Variants in RAPGEF2 observed in about 807,000 individuals in gnomAD.
RAPGEF2 encodes the protein PDZ domain containing guanine nucleotide exchange factor (GEF) 1.
In RAPGEF2, 54 loss-of-function variants were observed where a neutral mutation model predicts 186.7. The ratio of observed to expected loss-of-function variants is 0.29; its 90% CI spans 0.23 to 0.36. The LOEUF (loss-of-function observed/expected upper bound fraction) is 0.36, where lower values mean the gene tolerates loss of function less well. Ranked by LOEUF, RAPGEF2 falls within the 10% of genes least tolerant of loss-of-function variation. The pLI, the probability that RAPGEF2 is intolerant of heterozygous loss-of-function variation, is 1.00. For synonymous variants in RAPGEF2, 712 were observed against 705.9 expected (o/e 1.01, Z -0.14); for missense variants, 1,532 against 2,045.0 (o/e 0.75, Z 4.84).
At chr4:159,181,392 C>T (rs1313608767) in intron 1 of RAPGEF2, among the ~76,000 whole-genome samples, 1 of 151,898 alleles carries the variant, frequency 6.6e-6, no homozygotes, top group Non-Finnish European at 1.5e-5. Flanking sequence ...CTTTTCTGGT[C>T]AGTGTGAATT....
At chr4:159,327,544 C>G (rs1766092561) in intron 11 of RAPGEF2, 1 of 152,074 alleles carries the variant, frequency 6.6e-6, no homozygotes, top group African/African-American at 2.4e-5. Context: ...ACAATCCCAG[C>G]TACTCGGGAG....
intron 4 of RAPGEF2, among the ~76,000 whole-genome samples, chr4:159,217,028 C>T (rs549549166): frequency 1.8e-4 from 28 of 151,700 alleles, no homozygotes; most frequent in Non-Finnish European, 3.5e-4. Flanking sequence ...GCCGGTGCTG[C>T]GTGATAAGTT....
At chr4:159,186,209 A>G (rs1350592556) in intron 1 of RAPGEF2, among the ~76,000 whole-genome samples, 2 of 152,006 alleles carry the variant, frequency 1.3e-5, no homozygotes, top group African/African-American at 4.8e-5. Context: ...AAGAATTGAA[A>G]AAAATTGAAT....
intron 1 of RAPGEF2, among the ~76,000 whole-genome samples, chr4:159,185,034 C>T (rs1023005785): frequency 6.6e-6 from 1 of 152,098 alleles, no homozygotes; most frequent in Non-Finnish European, 1.5e-5. Context: ...TGAATAGACA[C>T]TTATCCAAGA....
chr4:159,258,830 T>C (rs1467871355), intron 7 of RAPGEF2, among the ~76,000 whole-genome samples: 1 of 152,200 alleles, frequency 6.6e-6, no homozygotes, highest in African/African-American at 2.4e-5. Context: ...AGGAGTGGCA[T>C]TATAGATCTT....
chr4:159,308,869 A>AG (rs1327037229), intron 8 of RAPGEF2, among the ~76,000 whole-genome samples: 1 of 152,140 alleles, frequency 6.6e-6, no homozygotes, highest in African/African-American at 2.4e-5. Context: ...TCATTTGTTG[A>AG]GAGTGAGAGG....
chr4:159,348,599 C>T (rs769611188), intron 25 of RAPGEF2, among the ~76,000 whole-genome samples: 67 of 152,180 alleles, frequency 4.4e-4, no homozygotes, highest in Non-Finnish European at 8.8e-4. Context: ...TTTGAATATG[C>T]ATGCATTCCT....
intron 1 of RAPGEF2, among the ~76,000 whole-genome samples, chr4:159,119,731 A>G (rs1409456126): frequency 2.0e-5 from 3 of 152,176 alleles, no homozygotes; most frequent in African/African-American, 7.2e-5. Flanking sequence ...GTGGGTGAGC[A>G]TTACGTGTAA....
chr4:159,313,049 G>A (rs1378506156), intron 8 of RAPGEF2, among the ~76,000 whole-genome samples: 1 of 152,136 alleles, frequency 6.6e-6, no homozygotes, highest in Admixed American at 6.5e-5. Context: ...TCGGGAGGCT[G>A]AGGCATGAGA....
chr4:159,115,740 T>C (rs551067914), intron 1 of RAPGEF2, among the ~76,000 whole-genome samples: 1 of 152,138 alleles, frequency 6.6e-6, no homozygotes, highest in Non-Finnish European at 1.5e-5. Flanking sequence ...AACAGACACA[T>C]AGACCAATGG....
At chr4:159,118,643 T>C (rs1163157611) in intron 1 of RAPGEF2, among the ~76,000 whole-genome samples, 6 of 152,156 alleles carry the variant, frequency 3.9e-5, no homozygotes, top group South Asian at 2.1e-4. Context: ...TGGAGTGCAA[T>C]GGTGCGATCT....
chr4:159,196,913 ATTTAGAG>A (rs939371279), intron 3 of RAPGEF2, among the ~76,000 whole-genome samples: 1 of 152,236 alleles, frequency 6.6e-6, no homozygotes, highest in Non-Finnish European at 1.5e-5. Flanking sequence ...CATTTTTAAA[ATTTAGAG>A]TTGCCCATTT....
intron 7 of RAPGEF2, among the ~76,000 whole-genome samples, chr4:159,278,147 T>C (rs1445473138): frequency 2.6e-5 from 4 of 152,210 alleles, no homozygotes; most frequent in African/African-American, 9.7e-5. Flanking sequence ...GGATCCAGTT[T>C]CAGTTTTCTA....
intron 1 of RAPGEF2, among the ~76,000 whole-genome samples, chr4:159,145,453 G>A (rs147847101): frequency 4.1e-4 from 62 of 151,726 alleles, no homozygotes; most frequent in Admixed American, 2.3e-3. Flanking sequence ...ATATAACAGC[G>A]TATTGAGATA....
chr4:159,256,017 G>A (rs774171744), intron 7 of RAPGEF2, among the ~76,000 whole-genome samples: 6 of 152,132 alleles, frequency 3.9e-5, no homozygotes, highest in Non-Finnish European at 8.8e-5. Context: ...TGTCTAGCAT[G>A]CTGTTGAACT....
intron 9 of RAPGEF2, among the ~76,000 whole-genome samples, chr4:159,317,734 A>G (rs1406011901): frequency 6.6e-6 from 1 of 152,026 alleles, no homozygotes; most frequent in Non-Finnish European, 1.5e-5. Flanking sequence ...AATCCCCTGT[A>G]GTTTTAAAGA....
intron 4 of RAPGEF2, among the ~76,000 whole-genome samples, chr4:159,233,942 A>C (rs1579543160): frequency 1.5e-5 from 2 of 134,628 alleles, no homozygotes; most frequent in Admixed American, 7.2e-5. Flanking sequence ...GAAATTGGGA[A>C]GCGTGAGTCC....
intron 1 of RAPGEF2, among the ~76,000 whole-genome samples, chr4:159,121,137 G>A (rs1345815617): frequency 6.6e-6 from 1 of 152,158 alleles, no homozygotes; most frequent in Non-Finnish European, 1.5e-5. Context: ...ACAGGCGTGA[G>A]CTTCTGCACC....
chr4:159,148,415 CAG>C (rs1412417297), intron 1 of RAPGEF2, among the ~76,000 whole-genome samples: 1 of 152,144 alleles, frequency 6.6e-6, no homozygotes, highest in Non-Finnish European at 1.5e-5. Context: ...TATTTTGAAT[CAG>C]AAAGTGTTAT....
Sources: gnomAD v4.1 joint callset for allele counts (sites outside exome capture counted in the v4.1 genomes callset) on GRCh38, gnomAD v4.1.1 for gene constraint, MANE v1.5 for transcripts, NCBI Gene and HGNC (gene_info 2026-07-23, HGNC 2026-07-21) for gene names.